The following COL25A1 variants were observed in gnomAD, a reference collection of about 807,000 sequenced individuals.
COL25A1 encodes collagen type XXV alpha 1 chain.
Under a neutral mutation model 128.4 loss-of-function variants are expected in COL25A1, and 103 were observed. The observed-to-expected ratio is 0.80, with a 90% CI of 0.68 to 0.94. The LOEUF (loss-of-function observed/expected upper bound fraction) is 0.94, where lower values mean the gene tolerates loss of function less well. Ranked by LOEUF, COL25A1 falls within the 40% of genes least tolerant of loss-of-function variation. The pLI, the probability that COL25A1 is intolerant of heterozygous loss-of-function variation, is 0.00. For synonymous variants in COL25A1, 279 were observed against 277.2 expected (o/e 1.01, Z -0.06); for missense variants, 745 against 840.0 (o/e 0.89, Z 1.40).
intron 26 of COL25A1, 27 bp downstream of exon 26, chr4:108,852,209 A>C: frequency 6.3e-7 from 1 of 1,581,230 alleles, no homozygotes; most frequent in Non-Finnish European, 8.7e-7. Flanking sequence ...GTATGTGATA[A>C]ATGGAAACAA....
intron 3 of COL25A1, among the ~76,000 whole-genome samples, chr4:109,187,877 C>T (rs1419598006): frequency 6.6e-6 from 1 of 152,078 alleles, no homozygotes; most frequent in East Asian, 1.9e-4. Context: ...AAAATAAAAA[C>T]CCTTTCCTCA....
intron 3 of COL25A1, among the ~76,000 whole-genome samples, chr4:109,194,772 G>A (rs1775892612): frequency 6.6e-6 from 1 of 152,070 alleles, no homozygotes; most frequent in South Asian, 2.1e-4. Context: ...TTTATACCAT[G>A]TGACTGTGCA....
intron 3 of COL25A1, among the ~76,000 whole-genome samples, chr4:109,205,068 T>G (rs1322226083): frequency 6.6e-6 from 1 of 152,176 alleles, no homozygotes; most frequent in Non-Finnish European, 1.5e-5. Context: ...TTTGCCCTTA[T>G]AAGAAATACA....
chr4:109,138,435 C>T (rs528280349), intron 3 of COL25A1, among the ~76,000 whole-genome samples: 24 of 152,150 alleles, frequency 1.6e-4, no homozygotes, highest in Admixed American at 1.3e-3. Flanking sequence ...TGAATAGTGC[C>T]GCAATAAACA....
intron 3 of COL25A1, among the ~76,000 whole-genome samples, chr4:109,152,215 C>G (rs1011183776): frequency 6.6e-6 from 1 of 151,924 alleles, no homozygotes; most frequent in Non-Finnish European, 1.5e-5. Context: ...ATAAATAATC[C>G]TTAATATTTA....
intron 5 of COL25A1, among the ~76,000 whole-genome samples, chr4:109,035,980 T>A (rs1049074273): frequency 6.6e-6 from 1 of 152,156 alleles, no homozygotes; most frequent in Non-Finnish European, 1.5e-5. Context: ...CAGGCTGGAG[T>A]GCAGTGGCGT....
intron 3 of COL25A1, among the ~76,000 whole-genome samples, chr4:109,072,021 G>A (rs1222153950): frequency 1.3e-5 from 2 of 152,152 alleles, no homozygotes; most frequent in African/African-American, 4.8e-5. Flanking sequence ...ATTAACATGA[G>A]GAACATTTTC....
At chr4:109,042,924 C>T (rs1055594424) in intron 5 of COL25A1, among the ~76,000 whole-genome samples, 12 of 151,998 alleles carry the variant, frequency 7.9e-5, no homozygotes, top group African/African-American at 2.9e-4. Flanking sequence ...GAACCATACA[C>T]GATGAGGATA....
At chr4:108,948,962 G>A (rs759839446) in intron 8 of COL25A1, among the ~76,000 whole-genome samples, 1 of 152,164 alleles carries the variant, frequency 6.6e-6, no homozygotes, top group Non-Finnish European at 1.5e-5. Flanking sequence ...TCTATTAGGG[G>A]ATTCCAGGCC....
intron 3 of COL25A1, among the ~76,000 whole-genome samples, chr4:109,104,491 G>A (rs1429052413): frequency 6.6e-6 from 1 of 152,140 alleles, no homozygotes; most frequent in East Asian, 1.9e-4. Flanking sequence ...GAGCAAGAGA[G>A]AGCAAAAATT....
chr4:109,071,010 T>G (rs1212610746), intron 3 of COL25A1, among the ~76,000 whole-genome samples: 1 of 151,988 alleles, frequency 6.6e-6, no homozygotes, highest in African/African-American at 2.4e-5. Flanking sequence ...GCCAAAAGAA[T>G]AAAGCTGGAG....
At chr4:108,827,250 C>T (rs904392970) in intron 32 of COL25A1, 62 bp from the exon 33 acceptor site, 1 of 1,361,854 alleles carries the variant, frequency 7.3e-7, no homozygotes, top group Non-Finnish European at 1.1e-6. Context: ...CACTTTCTCT[C>T]ATGCCCTATG....
intron 35 of COL25A1, chr4:108,819,943 G>GTT: frequency 7.7e-6 from 7 of 908,608 alleles, no homozygotes; most frequent in African/African-American, 1.7e-5. Context: ...TTATTTGGGG[G>GTT]AAAATAACGG....
At chr4:109,254,052 A>C (rs1013778740) in intron 3 of COL25A1, among the ~76,000 whole-genome samples, 173 of 150,370 alleles carry the variant, frequency 1.2e-3, no homozygotes, top group African/African-American at 4.0e-3. Context: ...GCACCACTGC[A>C]CTCCAGCCTG....
At chr4:109,248,426 CT>C (rs1445989385) in intron 3 of COL25A1, among the ~76,000 whole-genome samples, 2 of 152,128 alleles carry the variant, frequency 1.3e-5, no homozygotes, top group African/African-American at 4.8e-5. Flanking sequence ...ATGAAGTCCC[CT>C]GTTCCAGCCA....
intron 6 of COL25A1, among the ~76,000 whole-genome samples, chr4:109,004,011 T>C (rs530545514): frequency 6.6e-6 from 1 of 152,224 alleles, no homozygotes; most frequent in South Asian, 2.1e-4. Context: ...CTCTCTTCAT[T>C]TCCCTGGCCC....
intron 3 of COL25A1, among the ~76,000 whole-genome samples, chr4:109,099,736 T>C (rs1201238532): frequency 6.6e-6 from 1 of 151,646 alleles, no homozygotes; most frequent in African/African-American, 2.4e-5. Context: ...AAAAAATAAA[T>C]ATATATGTAT....
intron 8 of COL25A1, among the ~76,000 whole-genome samples, chr4:108,949,780 C>G (rs889505654): frequency 1.3e-5 from 2 of 152,154 alleles, no homozygotes; most frequent in Admixed American, 6.5e-5. Context: ...CATCATCCTC[C>G]CACCTCGGCC....
chr4:109,158,577 G>T (rs1285658575), intron 3 of COL25A1, among the ~76,000 whole-genome samples: 4 of 152,258 alleles, frequency 2.6e-5, no homozygotes, highest in African/African-American at 9.6e-5. Flanking sequence ...GGGATAAAAA[G>T]AAGACTAAGT....
Sources: allele counts gnomAD v4.1 joint callset (sites outside exome capture counted in the v4.1 genomes callset), GRCh38; gene constraint gnomAD v4.1.1; transcripts MANE v1.5; gene names NCBI Gene and HGNC (gene_info 2026-07-23, HGNC 2026-07-21).